SLC6A15: variants seen among roughly 807,000 people sequenced by gnomAD.
SLC6A15 encodes the protein sodium-dependent neutral amino acid transporter B(0)AT2.
Under a neutral mutation model 68.5 loss-of-function variants are expected in SLC6A15, and 33 were observed. The ratio of observed to expected loss-of-function variants is 0.48; its 90% confidence interval spans 0.37 to 0.64. The LOEUF is 0.64. SLC6A15 is among the 30% of genes least tolerant of loss of function. The pLI, the probability that SLC6A15 is intolerant of heterozygous loss-of-function variation, is 0.00. For synonymous variants in SLC6A15, 347 were observed against 301.0 expected (o/e 1.15, Z -1.58); for missense variants, 747 against 874.3 (o/e 0.85, Z 1.84).
chr12:84,908,080 T>C (rs1260301430), intron 1 of SLC6A15, among the ~76,000 whole-genome samples: 1 of 152,098 alleles, frequency 6.6e-6, no homozygotes, highest in African/African-American at 2.4e-5. Context: ...CCAACACAGT[T>C]AATCCTTATG....
intron 10 of SLC6A15, among the ~76,000 whole-genome samples, chr12:84,864,534 G>T (rs1325219526): frequency 6.6e-6 from 1 of 151,922 alleles, no homozygotes; most frequent in East Asian, 1.9e-4. Context: ...TGGTCAGACT[G>T]CTCTCGATCT....
At chr12:84,882,163 G>A (rs1209845109) in intron 5 of SLC6A15, 3 of 985,206 alleles carry the variant, frequency 3.0e-6, no homozygotes, top group Non-Finnish European at 3.6e-6. Context: ...GAGAACCTGA[G>A]TACAAGAGTT....
Position 84,870,808 on chromosome 12 carries a change from T to G in SLC6A15, c.1303-138A>C, listed in dbSNP as rs528491828. ...AAATAGACATGCTCAAATCAGCTCT[T>G]AACCTGATAAATCATGTTGTCATTC... On this transcript the variant is annotated intron_variant, in intron 8 of 11. Coordinates refer to ENST00000266682, the MANE Select transcript of SLC6A15 (RefSeq NM_182767.6). 2.0e-5 allele frequency: 10 copies of G among 495,212 alleles called. No individual in the cohort carries two copies. The South Asian group carries it at 3.4e-4, about 17-fold the overall frequency. The allele number at this position is 495,212 out of a possible 1,614,324, so 30.7% of individuals were successfully genotyped here. A position where few individuals can be genotyped will look rare whatever the true frequency, so the allele number is the denominator to read the frequency against.
chr12:84,883,951 C>T lies in SLC6A15; in HGVS notation c.664G>A (p.Gly222Arg), dbSNP rs1871953080. ...ATGGTCATCTTCCAGTTTAAGCCCCCACTTTCAGAAATGGAACTTGAAATA... is the reference window on the plus strand; with the variant it reads ...ATGGTCATCTTCCAGTTTAAGCCCCTACTTTCAGAAATGGAACTTGAAATA... ...LNISSSISESGGLNWKMTICL... is the reference protein window; with the variant it reads ...LNISSSISESRGLNWKMTICL... Residue 222 changes from glycine (G) to arginine (R), a missense_variant, in exon 5 of 12, where the codon GGG becomes AGG. Gly to Arg is a moderately radical substitution (Grantham distance 125). Transcript: ENST00000266682. 3 of 1,614,198 alleles carry T rather than the reference C, an allele frequency of 1.9e-6. No individual in the cohort carries two copies. The highest frequency in any genetic ancestry group is 4.5e-5 in the East Asian group (2 of 44,872).
rs766386549 is a variant in SLC6A15, at chr12:84,861,767, T to C, written c.2058A>G (p.Pro686=). Reference sequence around the variant, plus strand: ...AAATATTTTTACCAAAATTTGGAGATGGCATCTCGCTCGGTATTTTTCCGT... The same window carrying C: ...AAATATTTTTACCAAAATTTGGAGACGGCATCTCGCTCGGTATTTTTCCGT... ...LIHGKIPSEM[P]SPNFGKNIYR... Residue 686 remains proline, a synonymous_variant, in exon 12 of 12, where the codon CCA becomes CCG. Transcript: ENST00000266682. 1 of 1,614,058 alleles carries C rather than the reference T, an allele frequency of 6.2e-7. No individual in the cohort carries two copies.
chr12:84,895,339 ATT>A (rs67339994), intron 1 of SLC6A15, among the ~76,000 whole-genome samples: 24 of 54,774 alleles, frequency 4.4e-4, no homozygotes, highest in South Asian at 8.4e-4. Flanking sequence ...TTTTGTTTGT[ATT>A]TTTTTTTTTT....
rs1256128723 is a variant in SLC6A15, at chr12:84,860,293, C to A, written c.*1339G>T. ...AAATGAAAGATTTTTAACTAGAGGA[C>A]ACTCAGTGAGGTTCCTCTGCTCTAT... On this transcript the variant is annotated 3_prime_UTR_variant, in exon 12 of 12. Coordinates refer to ENST00000266682, the MANE Select transcript of SLC6A15 (RefSeq NM_182767.6). The A allele has an allele frequency of 6.6e-6, 1 of 152,000 alleles. No individual in the cohort carries two copies. Among genetic ancestry groups the A allele is most frequent in the Non-Finnish European group, 1.5e-5 (1 of 67,926 alleles). 9.4% of individuals were successfully genotyped at this position (152,000 alleles called of 1,614,324 possible).
At chr12:84,863,703 C>A (rs1870948055) in intron 10 of SLC6A15, 102 bp from the exon 11 acceptor site, 1 of 802,004 alleles carries the variant, frequency 1.2e-6, no homozygotes. Context: ...ACCATTGATA[C>A]CCTATGACAT....
chr12:84,912,796 GTA>G lies in SLC6A15; in HGVS notation c.-464_-463del, dbSNP rs2120769341. On this transcript the variant is annotated 5_prime_UTR_variant, in exon 1 of 12. Coordinates refer to ENST00000266682, the MANE Select transcript of SLC6A15 (RefSeq NM_182767.6). Reference sequence around the variant, plus strand: ...CGGGTGCGGGTGCGCGTGTACATGCGTATGTGTGTGTGCGCGCGCGCGTGTGT... The same window carrying G: ...CGGGTGCGGGTGCGCGTGTACATGCGTGTGTGTGTGCGCGCGCGCGTGTGT... 1 of 153,302 alleles carries G rather than the reference GTA, an allele frequency of 6.5e-6. No homozygotes were observed. Among genetic ancestry groups the G allele is most frequent in the African/African-American group, 2.4e-5 (1 of 41,554 alleles). The allele number at this position is 153,302 out of a possible 1,614,324, so 9.5% of individuals were successfully genotyped here.
chr12:84,869,193 C>G (rs1018213914), intron 9 of SLC6A15, among the ~76,000 whole-genome samples: 5 of 152,094 alleles, frequency 3.3e-5, no homozygotes, highest in African/African-American at 1.2e-4. Flanking sequence ...GGCACGGTGG[C>G]TCACGCCTGT....
At chr12:84,900,921 T>C in intron 1 of SLC6A15, among the ~76,000 whole-genome samples, 1 of 128,870 alleles carries the variant, frequency 7.8e-6, no homozygotes, top group South Asian at 2.3e-4. Flanking sequence ...TATATATACA[T>C]ACATATATAC....
rs1247237775 is a variant in SLC6A15 at position 84,901,000 on chromosome 12, GTA to G, written c.-188-8694_-188-8693del. On this transcript the variant is annotated intron_variant, in intron 1 of 11. Transcript: ENST00000266682. ...TACATGTATATATGTGTATAGATAT[GTA>G]TATATATACATACATATATACATGT... Among the ~76,000 whole-genome samples, 12 of 97,160 alleles carry G rather than the reference GTA, an allele frequency of 1.2e-4. No homozygotes were observed. In the East Asian group the frequency reaches 1.7e-3, roughly 14 times the overall value. The allele number at this position is 97,160 out of a possible 152,430, so 63.7% of individuals were successfully genotyped here.
chr12:84,907,607 A>C (rs1873228341), intron 1 of SLC6A15, among the ~76,000 whole-genome samples: 1 of 152,176 alleles, frequency 6.6e-6, no homozygotes, highest in Non-Finnish European at 1.5e-5. Flanking sequence ...TACTGGTGAG[A>C]ATGTAAAATT....
chr12:84,891,098 A>C (rs1463461391), intron 2 of SLC6A15, among the ~76,000 whole-genome samples: 1 of 152,164 alleles, frequency 6.6e-6, no homozygotes, highest in Non-Finnish European at 1.5e-5. Flanking sequence ...CTAGACTTCT[A>C]AGATAATTTT....
chr12:84,899,962 G>C (rs1405172723), intron 1 of SLC6A15, among the ~76,000 whole-genome samples: 1 of 151,778 alleles, frequency 6.6e-6, no homozygotes, highest in African/African-American at 2.4e-5. Flanking sequence ...ACCTATTCTA[G>C]GTTCTTTTAT....
In SLC6A15 at chr12:84,872,755, G is replaced by T. The variant is rs760758362; in HGVS notation, c.1149C>A (p.Asn383Lys). The T allele has an allele frequency of 6.2e-7, 1 of 1,604,294 alleles. No individual in the cohort carries two copies. Among genetic ancestry groups the T allele is most frequent in the Non-Finnish European group, 8.5e-7 (1 of 1,177,716 alleles). Residue 383 changes from asparagine (N) to lysine (K), a missense_variant, in exon 8 of 12, where the codon AAC (asparagine) becomes AAA (lysine). Transcript: ENST00000266682. Reference protein sequence around the residue: ...ETIMKFLKMGNISQDIIPHHI... With the variant: ...ETIMKFLKMGKISQDIIPHHI... ...GATGGGGAATAATATCCTGACTAAT[G>T]TTCCCCATTTTCAAAAATTTCATGA...
At chr12:84,889,495 GAA>G (rs1352976724) in intron 2 of SLC6A15, among the ~76,000 whole-genome samples, 24 of 120,228 alleles carry the variant, frequency 2.0e-4, no homozygotes, top group African/African-American at 6.8e-4. Context: ...CTCGGTCTCA[GAA>G]AAAAATAAAA....
rs1474082573 is a variant in SLC6A15 at position 84,859,687 on chromosome 12, T to C, written c.*1945A>G. On this transcript the variant is annotated 3_prime_UTR_variant, in exon 12 of 12. Transcript: ENST00000266682. ...GCAGGTTAAGTATTAAAGATTAGGG[T>C]ACCATATAAAAATATTGCCTCAACA... 2 of 152,006 alleles carry C rather than the reference T, an allele frequency of 1.3e-5. No homozygotes were observed. Among genetic ancestry groups the C allele is most frequent in the Non-Finnish European group, 2.9e-5 (2 of 67,932 alleles). The allele number at this position is 152,006 out of a possible 1,614,324, so 9.4% of individuals were successfully genotyped here.
intron 2 of SLC6A15, among the ~76,000 whole-genome samples, chr12:84,888,151 G>A (rs561424751): frequency 2.5e-4 from 37 of 150,196 alleles, no homozygotes; most frequent in African/African-American, 8.8e-4. Flanking sequence ...CCAGCTACTC[G>A]GAAGGCTGAG....
Sources: gnomAD v4.1 joint callset for allele counts (sites outside exome capture counted in the v4.1 genomes callset) on GRCh38, gnomAD v4.1.1 for gene constraint, MANE v1.5 for transcripts, NCBI Gene and HGNC (gene_info 2026-07-23, HGNC 2026-07-21) for gene names.